Variants in RPS26 observed in about 807,000 individuals in gnomAD.
RPS26 encodes small ribosomal subunit protein eS26.
RPS26 carries 1 observed loss-of-function variant against 14.7 expected under a neutral mutation model. That is an observed-to-expected ratio of 0.07 (90% CI 0.02 to 0.32). The LOEUF is 0.32. Ranked by LOEUF, RPS26 falls within the 10% of genes least tolerant of loss-of-function variation. The pLI is 1.00. For missense variants in RPS26, 63 were observed against 157.7 expected (o/e 0.40, Z 3.22); for synonymous variants, 59 against 53.1 (o/e 1.11, Z -0.48).
rs1356164088 is a variant in RPS26, at chr12:56,042,185, T to C, written c.3+16T>C. 1.9e-6 allele frequency: 3 copies of C among 1,613,770 alleles called. No individual in the cohort carries two copies. Among genetic ancestry groups the C allele is most frequent in the South Asian group, 2.2e-5 (2 of 91,066 alleles). On this transcript the variant is annotated intron_variant, in intron 1 of 3. Transcript: ENST00000646449. ...CTCCAAGATGGTGAGTCTTCTTGCG[T>C]GGTGAGGGTGGGGGTTCGGGTGCAG...
intron 3 of RPS26, 150 bp downstream of exon 3, chr12:56,043,643 CTT>C (rs1895922629): frequency 1.3e-6 from 1 of 790,860 alleles, no homozygotes. Context: ...GACCCCATCT[CTT>C]CAAAAAATAT....
chr12:56,042,105 C>G lies in RPS26; in HGVS notation c.-62C>G. 1 of 1,570,040 alleles carries G rather than the reference C, an allele frequency of 6.4e-7. No individual in the cohort carries two copies. Among genetic ancestry groups the G allele is most frequent in the South Asian group, 1.1e-5 (1 of 90,058 alleles). The stretch of plus-strand genomic sequence containing the variant: ...ATTCTCCCGGTGTCCGCGTAGGGAT[C>G]TCATGCTATATAGGAGGGCCCTGCC... On this transcript the variant is annotated 5_prime_UTR_variant, in exon 1 of 4. It adds an upstream start codon to the 5' untranslated region. Coordinates refer to ENST00000646449, the MANE Select transcript of RPS26 (RefSeq NM_001029.5).
chr12:56,043,762 G>C (rs924243754), intron 3 of RPS26, among the ~76,000 whole-genome samples: 1 of 151,740 alleles, frequency 6.6e-6, no homozygotes, highest in African/African-American at 2.4e-5. Flanking sequence ...AGTGAGCTAT[G>C]ATTATACCAC....
rs556111321 is a variant in RPS26, at chr12:56,043,316, C to T, written c.182-47C>T. The T allele has an allele frequency of 5.0e-6, 8 of 1,585,634 alleles. No individual in the cohort carries two copies. In the South Asian group the frequency reaches 8.9e-5, roughly 18 times the overall value. ...GCTCTTCATTCATGTAACAAAAAAGCAAGGTAGGTATATAATACCAGTATA... is the reference window on the plus strand; with the variant it reads ...GCTCTTCATTCATGTAACAAAAAAGTAAGGTAGGTATATAATACCAGTATA... On this transcript the variant is annotated intron_variant, in intron 2 of 3. Transcript: ENST00000646449.
intron 2 of RPS26, chr12:56,042,956 T>C (rs938618543): frequency 2.4e-6 from 1 of 419,166 alleles, no homozygotes; most frequent in African/African-American, 2.0e-5. Flanking sequence ...GTTTCGAGAA[T>C]GGAGGCCGTC....
In RPS26 at chr12:56,043,488, C is replaced by T. The variant is rs1428147741; in HGVS notation, c.307C>T (p.Pro103Ser). 1 of 1,613,774 alleles carries T rather than the reference C, an allele frequency of 6.2e-7. No homozygotes were observed. The highest frequency in any genetic ancestry group is 8.5e-7 in the Non-Finnish European group (1 of 1,179,906). Reference protein sequence around the residue: ...KDRTPPPRFRPAGAAPRPPPK... With the variant: ...KDRTPPPRFRSAGAAPRPPPK... ...CCGAACACCCCCACCCCGATTTAGACCTGCGGTGAGTATTTTAAAAGGAGA... is the reference window on the plus strand; with the variant it reads ...CCGAACACCCCCACCCCGATTTAGATCTGCGGTGAGTATTTTAAAAGGAGA... Residue 103 changes from proline to serine, a missense_variant, in exon 3 of 4, where the codon CCT (proline) becomes TCT (serine). Pro to Ser is a moderately conservative substitution (Grantham distance 74). Transcript: ENST00000646449.
chr12:56,044,414 GC>G lies in RPS26; in HGVS notation c.*261del, dbSNP rs1565846242. On this transcript the variant is annotated 3_prime_UTR_variant, in exon 4 of 4. Coordinates refer to ENST00000646449, the MANE Select transcript of RPS26 (RefSeq NM_001029.5). ...GCTGAATTGCAGTGGCGTGATCTCAGCTCACTGCAACCTCCGTCTCCCGGGT... is the reference window on the plus strand; with the variant it reads ...GCTGAATTGCAGTGGCGTGATCTCAGTCACTGCAACCTCCGTCTCCCGGGT... The G allele has an allele frequency of 1.4e-5, 6 of 415,246 alleles. No homozygotes were observed. Among genetic ancestry groups the G allele is most frequent in the Non-Finnish European group, 1.7e-5 (4 of 240,716 alleles). 25.7% of individuals were successfully genotyped at this position (415,246 alleles called of 1,614,324 possible).
chr12:56,042,247 G>C (rs538771627), intron 1 of RPS26, 78 bp downstream of exon 1: 4 of 1,576,540 alleles, frequency 2.5e-6, no homozygotes, highest in Non-Finnish European at 3.5e-6. Context: ...CCTGGAGCAC[G>C]GCTGAGGGGT....
At chr12:56,042,347 G>A (rs1480395565) in intron 1 of RPS26, 78 bp from the exon 2 acceptor site, 2 of 1,554,088 alleles carry the variant, frequency 1.3e-6, no homozygotes, top group Non-Finnish European at 1.8e-6. Context: ...GAGGCTGCCG[G>A]TGCGGCTTGT....
intron 3 of RPS26, 65 bp downstream of exon 3, chr12:56,043,558 C>A: frequency 2.6e-6 from 4 of 1,558,706 alleles, no homozygotes; most frequent in South Asian, 2.2e-5. Flanking sequence ...CCTGGAGGGT[C>A]AGGGTGTCCT....
Position 56,042,266 on chromosome 12 carries a change from T to C in RPS26, c.3+97T>C, listed in dbSNP as rs553985097. On this transcript the variant is annotated intron_variant, in intron 1 of 3. Transcript: ENST00000646449. The stretch of plus-strand genomic sequence containing the variant: ...GAGCACGGCTGAGGGGTGGACCGAG[T>C]GTACATTTCATTTGCTCTGGGGGTC... 1.1e-4 allele frequency: 175 copies of C among 1,551,966 alleles called. No homozygotes were observed. The South Asian group carries it at 1.7e-3, about 15-fold the overall frequency.
intron 3 of RPS26, among the ~76,000 whole-genome samples, chr12:56,043,827 T>C (rs571259319): frequency 4.7e-5 from 7 of 148,438 alleles, no homozygotes; most frequent in African/African-American, 1.7e-4. Context: ...AAAAAAAAAG[T>C]TGCTTCCTCC....
chr12:56,042,088 G>A lies in RPS26; in HGVS notation c.-79G>A. 1 of 1,450,956 alleles carries A rather than the reference G, an allele frequency of 6.9e-7. No homozygotes were observed. The highest frequency in any genetic ancestry group is 9.7e-7 in the Non-Finnish European group (1 of 1,031,096). The allele number at this position is 1,450,956 out of a possible 1,614,324, so 89.9% of individuals were successfully genotyped here. The stretch of plus-strand genomic sequence containing the variant: ...AAGCCCGTCTCCTAAGGATTCTCCC[G>A]GTGTCCGCGTAGGGATCTCATGCTA... On this transcript the variant is annotated 5_prime_UTR_variant, in exon 1 of 4. Coordinates refer to ENST00000646449, the MANE Select transcript of RPS26 (RefSeq NM_001029.5).
In RPS26 at chr12:56,042,483, T is replaced by C. The variant is rs1440564331; in HGVS notation, c.62T>C (p.Ile21Thr). ...AAGGGCCGCGGCCACGTGCAGCCTA[T>C]TCGCTGCACTAACTGTGCCCGATGC... ...AKKGRGHVQP[I>T]RCTNCARCVP... The change falls in exon 2 of 4, where the codon ATT becomes ACT. Residue 21 changes from isoleucine to threonine, a missense_variant. Coordinates refer to ENST00000646449, the MANE Select transcript of RPS26 (RefSeq NM_001029.5). 1 of 1,610,024 alleles carries C rather than the reference T, an allele frequency of 6.2e-7. No homozygotes were observed. Among genetic ancestry groups the C allele is most frequent in the Non-Finnish European group, 8.5e-7 (1 of 1,177,796 alleles).
chr12:56,042,642 T>C, intron 2 of RPS26, 40 bp downstream of exon 2: 8 of 1,561,198 alleles, frequency 5.1e-6, no homozygotes, highest in Non-Finnish European at 7.0e-6. Context: ...AGGATCCCAG[T>C]ATCTTAAAGC....
chr12:56,042,974 G>T (rs1895910411), intron 2 of RPS26: 4 of 412,750 alleles, frequency 9.7e-6, no homozygotes, highest in Non-Finnish European at 1.8e-5. Flanking sequence ...GTCTAGTTTG[G>T]TGTGCAAGGA....
chr12:56,042,370 A>T, intron 1 of RPS26, 55 bp from the exon 2 acceptor site: 1 of 1,584,130 alleles, frequency 6.3e-7, no homozygotes, highest in South Asian at 1.1e-5. Flanking sequence ...CCGGAAAGGG[A>T]CTGAGGCTGG....
In RPS26 at chr12:56,044,345, CTTTTTTTTTTT is replaced by C. The variant is rs1191650736; in HGVS notation, c.*201_*211del. 19 of 266,884 alleles carry C rather than the reference CTTTTTTTTTTT, an allele frequency of 7.1e-5. 1 individual carries two copies. The highest frequency in any genetic ancestry group is 3.4e-4 in the Admixed American group (4 of 11,640). 16.5% of individuals were successfully genotyped at this position (266,884 alleles called of 1,614,324 possible). A position where few individuals can be genotyped will look rare whatever the true frequency, so the allele number is the denominator to read the frequency against. ...CTTATTCATGTAATTTAATTTTTTT[CTTTTTTTTTTT>C]TTTTTTTTTGAGACGGAGTCTTTGT... is the stretch of plus-strand genomic sequence containing the variant. On this transcript the variant is annotated 3_prime_UTR_variant, in exon 4 of 4. Coordinates refer to ENST00000646449, the MANE Select transcript of RPS26 (RefSeq NM_001029.5).
chr12:56,042,656 C>T (rs1055893360), intron 2 of RPS26, 54 bp downstream of exon 2: 3 of 1,459,386 alleles, frequency 2.1e-6, no homozygotes, highest in Non-Finnish European at 2.8e-6. Context: ...TTAAAGCCTT[C>T]GCCCAACTTC....
Sources: allele counts gnomAD v4.1 joint callset (sites outside exome capture counted in the v4.1 genomes callset), GRCh38; gene constraint gnomAD v4.1.1; transcripts MANE v1.5; gene names NCBI Gene and HGNC (gene_info 2026-07-23, HGNC 2026-07-21).